C9orf43: variants seen among roughly 807,000 people sequenced by gnomAD.
C9orf43 encodes the protein chromosome 9 open reading frame 43, also known as uncharacterized protein C9orf43.
In C9orf43, 45 loss-of-function variants were observed where a neutral mutation model predicts 59.1. The ratio of observed to expected loss-of-function variants is 0.76; its 90% confidence interval spans 0.60 to 0.98. The LOEUF (loss-of-function observed/expected upper bound fraction) is 0.98. C9orf43 is among the 50% of genes least tolerant of loss of function. The pLI is 0.00. For synonymous variants in C9orf43, 203 were observed against 196.8 expected, an observed-to-expected ratio of 1.03 and a Z score of -0.26; for missense variants, 533 against 554.9, an observed-to-expected ratio of 0.96 and a Z score of 0.40.
chr9:113,429,154 G>A lies in C9orf43; in HGVS notation c.1172-18G>A. 1 of 1,609,978 alleles carries A rather than the reference G, an allele frequency of 6.2e-7. No homozygotes were observed. Among genetic ancestry groups the A allele is most frequent in the Non-Finnish European group, 8.5e-7 (1 of 1,176,528 alleles). On this transcript the variant is annotated intron_variant, in intron 13 of 13. Coordinates refer to ENST00000374165, the MANE Select transcript of C9orf43 (RefSeq NM_001278629.2). ...AGAGGAGTTTACAGGTGCAATTAAT[G>A]ACTGCATCTTCTTTTAGGTCCTGAA...
intron 3 of C9orf43, among the ~76,000 whole-genome samples, chr9:113,416,818 A>G (rs937722387): frequency 4.6e-4 from 70 of 152,062 alleles, no homozygotes; most frequent in African/African-American, 1.6e-3. Context: ...ATAGTACCCT[A>G]CCTCCAGTTA....
intron 3 of C9orf43, among the ~76,000 whole-genome samples, chr9:113,415,789 T>G (rs1216997682): frequency 2.0e-5 from 3 of 152,212 alleles, no homozygotes; most frequent in Non-Finnish European, 2.9e-5. Flanking sequence ...ATTCGAAGAC[T>G]TTGTTACCTG....
Position 113,429,300 on chromosome 9 carries a change from G to A in C9orf43, c.1300G>A (p.Gly434Ser). 1 of 1,614,208 alleles carries A rather than the reference G, an allele frequency of 6.2e-7. No individual in the cohort carries two copies. The highest frequency in any genetic ancestry group is 8.5e-7 in the Non-Finnish European group (1 of 1,180,030). ...CTTTTCAGAAATTATGGCTAGCACA[G>A]GCTGGAACTCTGAGCTCAAACTACT... ...FNFSEIMAST[G>S]WNSELKLLRI... Residue 434 changes from glycine (G) to serine (S), a missense_variant, in exon 14 of 14, where the codon GGC becomes AGC. Coordinates refer to ENST00000374165, the MANE Select transcript of C9orf43 (RefSeq NM_001278629.2).
chr9:113,412,797 C>G (rs76538972), intron 1 of C9orf43, among the ~76,000 whole-genome samples: 1 of 152,184 alleles, frequency 6.6e-6, no homozygotes, highest in Non-Finnish European at 1.5e-5. Flanking sequence ...GTGTGAAGAC[C>G]CTTGTCAAAG....
chr9:113,415,708 T>C (rs949024806), intron 3 of C9orf43, among the ~76,000 whole-genome samples: 2 of 152,162 alleles, frequency 1.3e-5, no homozygotes, highest in African/African-American at 4.8e-5. Context: ...ACAATGTCTG[T>C]GTACCCAATG....
chr9:113,422,213 G>A (rs953478257), intron 5 of C9orf43, among the ~76,000 whole-genome samples: 1 of 152,202 alleles, frequency 6.6e-6, no homozygotes, highest in Admixed American at 6.5e-5. Context: ...GGGGGAGTCA[G>A]CCATTACAGA....
intron 3 of C9orf43, among the ~76,000 whole-genome samples, chr9:113,418,583 C>T (rs1489121294): frequency 1.3e-5 from 2 of 152,144 alleles, no homozygotes; most frequent in African/African-American, 4.8e-5. Context: ...GATGAAAACT[C>T]ATGGTGTGAA....
rs369075240 is a variant in C9orf43 at position 113,413,779 on chromosome 9, G to A, written c.172G>A (p.Val58Met). The change falls in exon 3 of 14, where the codon GTG becomes ATG. Residue 58 changes from valine to methionine, a missense_variant. Transcript: ENST00000374165. ...CTTAGATAAACTCCCAGTGCTCACC[G>A]TGGTAGACATCTTAGATTCCGGCTT... Reference protein sequence around the residue: ...DAEDKLPVLTVVDILDSGFAA... With the variant: ...DAEDKLPVLTMVDILDSGFAA... The A allele has an allele frequency of 1.2e-5, 19 of 1,613,996 alleles. No homozygotes were observed. Among genetic ancestry groups the A allele is most frequent in the Admixed American group, 5.0e-5 (3 of 59,994 alleles).
At chr9:113,423,043 T>G (rs1482383462) in intron 6 of C9orf43, among the ~76,000 whole-genome samples, 1 of 152,240 alleles carries the variant, frequency 6.6e-6, no homozygotes, top group Non-Finnish European at 1.5e-5. Context: ...CCTAGCCCTG[T>G]GCCTGACACA....
chr9:113,411,534 C>A (rs932137261), intron 1 of C9orf43, among the ~76,000 whole-genome samples: 3 of 152,100 alleles, frequency 2.0e-5, no homozygotes, highest in Non-Finnish European at 2.9e-5. Flanking sequence ...CTCCTGACCT[C>A]GTGATCCGCC....
In C9orf43 at chr9:113,424,260, C is replaced by T. The variant is rs762276425; in HGVS notation, c.751C>T (p.Pro251Ser). ...KKNLPLEKNR[P>S]DSVISSKMFL... ...GAATCTTCCCTTGGAAAAGAACCGACCTGACAGTGTGATTTCTTCTAAGAT... is the reference window on the plus strand; with the variant it reads ...GAATCTTCCCTTGGAAAAGAACCGATCTGACAGTGTGATTTCTTCTAAGAT... Residue 251 changes from proline (P) to serine (S), a missense_variant, in exon 8 of 14, where the codon CCT (proline) becomes TCT (serine). Transcript: ENST00000374165. The T allele has an allele frequency of 1.2e-5, 19 of 1,614,054 alleles. No individual in the cohort carries two copies. Among genetic ancestry groups the T allele is most frequent in the Non-Finnish European group, 1.6e-5 (19 of 1,179,984 alleles).
At chr9:113,411,976 C>T (rs138152568) in intron 1 of C9orf43, among the ~76,000 whole-genome samples, 1 of 152,146 alleles carries the variant, frequency 6.6e-6, no homozygotes, top group South Asian at 2.1e-4. Flanking sequence ...CGCCCAGCCT[C>T]CCACTGAGAA....
intron 3 of C9orf43, among the ~76,000 whole-genome samples, chr9:113,416,700 T>C (rs1418143681): frequency 6.6e-6 from 1 of 152,198 alleles, no homozygotes; most frequent in Non-Finnish European, 1.5e-5. Context: ...TTTTGTTCTT[T>C]TGTTTTTTGT....
At chr9:113,428,311 C>A in intron 12 of C9orf43, 88 bp downstream of exon 12, 1 of 1,229,040 alleles carries the variant, frequency 8.1e-7, no homozygotes, top group Admixed American at 1.7e-5. Flanking sequence ...TAATGATTTG[C>A]TATTGCTAAT....
Position 113,422,594 on chromosome 9 carries a change from G to T in C9orf43, c.483+9G>T, listed in dbSNP as rs777612760. 2 of 1,613,768 alleles carry T rather than the reference G, an allele frequency of 1.2e-6. No homozygotes were observed. Among genetic ancestry groups the T allele is most frequent in the African/African-American group, 1.3e-5 (1 of 75,000 alleles). On this transcript the variant is annotated intron_variant, in intron 6 of 13. Coordinates refer to ENST00000374165, the MANE Select transcript of C9orf43 (RefSeq NM_001278629.2). Reference sequence around the variant, plus strand: ...GAAAGAACTCGGCAGTGGTGAGTTTGATGTTTTTGTGCAAACCTTTATAAT... The same window carrying T: ...GAAAGAACTCGGCAGTGGTGAGTTTTATGTTTTTGTGCAAACCTTTATAAT...
At chr9:113,417,393 T>C (rs1421868816) in intron 3 of C9orf43, among the ~76,000 whole-genome samples, 6 of 152,238 alleles carry the variant, frequency 3.9e-5, no homozygotes, top group Admixed American at 3.3e-4. Context: ...GACCATGACA[T>C]TTGTTTAGTC....
chr9:113,428,111 A>G (rs1349925073), intron 11 of C9orf43, 36 bp from the exon 12 acceptor site: 2 of 1,609,044 alleles, frequency 1.2e-6, no homozygotes, highest in Admixed American at 1.7e-5. Flanking sequence ...TGATATGGTA[A>G]TAAGAGGAAG....
intron 10 of C9orf43, 31 bp downstream of exon 10, chr9:113,425,451 T>C: frequency 6.3e-7 from 1 of 1,599,646 alleles, no homozygotes; most frequent in Non-Finnish European, 8.5e-7. Flanking sequence ...TTGCTGGGAC[T>C]GGGAGAGGTC....
chr9:113,415,304 C>T (rs555266195), intron 3 of C9orf43, among the ~76,000 whole-genome samples: 66 of 151,932 alleles, frequency 4.3e-4, no homozygotes, highest in Non-Finnish European at 7.9e-4. Context: ...CCACCACTCC[C>T]GGCTAATTTT....
Sources: allele counts gnomAD v4.1 joint callset (sites outside exome capture counted in the v4.1 genomes callset), GRCh38; gene constraint gnomAD v4.1.1; transcripts MANE v1.5; gene names NCBI Gene and HGNC (gene_info 2026-07-23, HGNC 2026-07-21).